Variants in RPRD1B observed in about 807,000 individuals in gnomAD.
RPRD1B encodes the protein regulation of nuclear pre-mRNA domain-containing protein 1B.
A neutral mutation model predicts 41.5 loss-of-function variants in RPRD1B; 11 were observed. The observed-to-expected ratio is 0.27, with a 90% CI of 0.17 to 0.44. The LOEUF is 0.44. Among genes scored for constraint, RPRD1B ranks in the 20% least tolerant of loss-of-function variants. The pLI, the probability that RPRD1B is intolerant of heterozygous loss-of-function variation, is 1.00. For synonymous variants in RPRD1B, 158 were observed against 155.6 expected (o/e 1.02, Z -0.12); for missense variants, 248 against 389.9 (o/e 0.64, Z 3.06).
In RPRD1B at chr20:38,033,955, CCTT is replaced by C. The variant is rs1555797921; in HGVS notation, c.11_13del (p.Phe4del). 1 of 1,611,108 alleles carries C rather than the reference CCTT, an allele frequency of 6.2e-7. No homozygotes were observed. Among genetic ancestry groups the C allele is most frequent in the South Asian group, 1.1e-5 (1 of 90,752 alleles). ...GGCCTCACTGCCGCCACCATGTCCTCCTTCTCTGAGTCGGCGCTGGAGAAGAAG... is the reference window on the plus strand; with the variant it reads ...GGCCTCACTGCCGCCACCATGTCCTCCTCTGAGTCGGCGCTGGAGAAGAAG... On this transcript the variant is annotated inframe_deletion, in exon 1 of 7. Transcript: ENST00000373433.
intron 6 of RPRD1B, among the ~76,000 whole-genome samples, chr20:38,086,024 A>G (rs2074557769): frequency 6.6e-6 from 1 of 151,820 alleles, no homozygotes; most frequent in African/African-American, 2.4e-5. Flanking sequence ...TTTTTTGTAG[A>G]TGGGGTTTTG....
chr20:38,062,160 G>A (rs1233479574), intron 5 of RPRD1B, among the ~76,000 whole-genome samples: 3 of 152,308 alleles, frequency 2.0e-5, no homozygotes, highest in South Asian at 2.1e-4. Flanking sequence ...CACTAAATTT[G>A]TGGTAATTTG....
intron 6 of RPRD1B, among the ~76,000 whole-genome samples, chr20:38,080,880 T>A (rs2074506408): frequency 6.6e-6 from 1 of 152,198 alleles, no homozygotes; most frequent in Admixed American, 6.5e-5. Flanking sequence ...TTTGTATCTG[T>A]TTTTGTACCA....
chr20:38,069,590 TATTC>T (rs1417089845), intron 6 of RPRD1B, among the ~76,000 whole-genome samples: 6 of 152,180 alleles, frequency 3.9e-5, no homozygotes, highest in Admixed American at 6.5e-5. Context: ...AGAAGCTACG[TATTC>T]ATTCAGGGAG....
intron 4 of RPRD1B, 70 bp from the exon 5 acceptor site, chr20:38,059,324 T>G: frequency 6.7e-7 from 1 of 1,494,566 alleles, no homozygotes; most frequent in Non-Finnish European, 9.0e-7. Flanking sequence ...TCCACCTCAT[T>G]TAACTCCAAC....
chr20:38,051,721 T>C (rs775364813), intron 3 of RPRD1B, among the ~76,000 whole-genome samples: 9 of 152,264 alleles, frequency 5.9e-5, no homozygotes, highest in Non-Finnish European at 1.2e-4. Context: ...TAATATAGTT[T>C]AGCTATTCAG....
At chr20:38,079,473 C>T (rs2074494490) in intron 6 of RPRD1B, among the ~76,000 whole-genome samples, 1 of 152,114 alleles carries the variant, frequency 6.6e-6, no homozygotes, top group South Asian at 2.1e-4. Flanking sequence ...TTCATGTGTT[C>T]TCAATGTTTA....
intron 2 of RPRD1B, 125 bp downstream of exon 2, chr20:38,040,689 C>A: frequency 2.0e-6 from 2 of 985,998 alleles, no homozygotes; most frequent in Non-Finnish European, 2.9e-6. Context: ...TTGTGGAGGC[C>A]GAATTGTGGT....
chr20:38,049,350 T>G (rs569803510), intron 3 of RPRD1B, among the ~76,000 whole-genome samples: 2 of 149,750 alleles, frequency 1.3e-5, no homozygotes, highest in African/African-American at 4.9e-5. Flanking sequence ...TATTTTTTCT[T>G]TTTTCTTTCT....
intron 4 of RPRD1B, among the ~76,000 whole-genome samples, chr20:38,058,464 C>G (rs1279950427): frequency 6.6e-6 from 1 of 152,190 alleles, no homozygotes; most frequent in Admixed American, 6.5e-5. Context: ...TCAGGGTAAT[C>G]TAACTACCAT....
chr20:38,033,798 C>A lies in RPRD1B; in HGVS notation c.-150C>A. ...GCGGGCGGCTGTTACTGCGGAGACCCATCCCCTCCCCCTTCTCGCACCCCT... is the reference window on the plus strand; with the variant it reads ...GCGGGCGGCTGTTACTGCGGAGACCAATCCCCTCCCCCTTCTCGCACCCCT... On this transcript the variant is annotated 5_prime_UTR_variant, in exon 1 of 7. Coordinates refer to ENST00000373433, the MANE Select transcript of RPRD1B (RefSeq NM_021215.4). 1.4e-6 allele frequency: 1 copy of A among 733,678 alleles called. No individual in the cohort carries two copies. 45.4% of individuals were successfully genotyped at this position (733,678 alleles called of 1,614,324 possible). A position where few individuals can be genotyped will look rare whatever the true frequency, so the allele number is the denominator to read the frequency against.
At chr20:38,084,564 T>C (rs751798335) in intron 6 of RPRD1B, among the ~76,000 whole-genome samples, 3 of 152,198 alleles carry the variant, frequency 2.0e-5, no homozygotes, top group Non-Finnish European at 4.4e-5. Flanking sequence ...AGCCCACTTA[T>C]CCCAGAGCTC....
intron 2 of RPRD1B, among the ~76,000 whole-genome samples, chr20:38,041,144 A>G (rs2074062306): frequency 1.4e-5 from 2 of 140,178 alleles, no homozygotes; most frequent in African/African-American, 6.0e-5. Context: ...TAGAAAGCAT[A>G]CATTGGATTA....
At chr20:38,084,273 G>A (rs1016520839) in intron 6 of RPRD1B, among the ~76,000 whole-genome samples, 38 of 152,064 alleles carry the variant, frequency 2.5e-4, no homozygotes, top group East Asian at 1.9e-4. Flanking sequence ...AGGGGCCTTC[G>A]TAAACTGCTT....
chr20:38,083,938 T>C (rs1001726905), intron 6 of RPRD1B: 2 of 151,958 alleles, frequency 1.3e-5, no homozygotes, highest in African/African-American at 4.8e-5. Context: ...TGCAGGTCAG[T>C]GATGGTTTTT....
intron 6 of RPRD1B, among the ~76,000 whole-genome samples, chr20:38,070,873 A>G (rs1267412512): frequency 1.3e-5 from 2 of 151,792 alleles, no homozygotes; most frequent in Non-Finnish European, 2.9e-5. Context: ...CTGGGACTAC[A>G]GGCGCATGCC....
intron 6 of RPRD1B, among the ~76,000 whole-genome samples, chr20:38,066,796 C>T (rs2122738415): frequency 6.6e-6 from 1 of 152,282 alleles, no homozygotes; most frequent in South Asian, 2.1e-4. Flanking sequence ...GCTGGAACTA[C>T]AGGCGTCCAC....
chr20:38,041,922 A>G (rs1363125346), intron 2 of RPRD1B, among the ~76,000 whole-genome samples: 2 of 152,224 alleles, frequency 1.3e-5, no homozygotes, highest in African/African-American at 4.8e-5. Flanking sequence ...TGTCTGGCAC[A>G]GAGCTGCTGA....
chr20:38,048,618 G>A (rs1196472999), intron 3 of RPRD1B, 137 bp downstream of exon 3: 2 of 1,436,428 alleles, frequency 1.4e-6, no homozygotes, highest in Non-Finnish European at 1.8e-6. Context: ...CATGAATGAT[G>A]GTGAGAATTT....
Sources: gnomAD v4.1 joint callset for allele counts (sites outside exome capture counted in the v4.1 genomes callset) on GRCh38, gnomAD v4.1.1 for gene constraint, MANE v1.5 for transcripts, NCBI Gene and HGNC (gene_info 2026-07-23, HGNC 2026-07-21) for gene names.